The following HTR4 variants were observed in gnomAD, a reference collection of about 807,000 sequenced individuals.
The protein encoded by HTR4 is 5-hydroxytryptamine receptor 4, also known as 5-hydroxytryptamine (serotonin) receptor 4, G protein-coupled.
A neutral mutation model predicts 36.8 loss-of-function variants in HTR4; 16 were observed. That is an observed-to-expected ratio of 0.43 (90% confidence interval 0.29 to 0.66). HTR4 has a LOEUF of 0.66. Among genes scored for constraint, HTR4 ranks in the 30% least tolerant of loss-of-function variants. HTR4 has a pLI of 0.13. For missense variants in HTR4, 438 were observed against 490.9 expected (o/e 0.89, Z 1.02); for synonymous variants, 189 against 185.1 (o/e 1.02, Z -0.17).
At chr5:148,605,992 C>T (rs142738621) in intron 2 of HTR4, among the ~76,000 whole-genome samples, 53 of 152,176 alleles carry the variant, frequency 3.5e-4, no homozygotes, top group African/African-American at 1.1e-3. Flanking sequence ...TAAGGCATGG[C>T]CATTGCCCTC....
rs187924317 is a variant in HTR4 at position 148,557,918 on chromosome 5, G to A, written c.27-7656C>T. ...TTTTCTCTTTATATTTTTATGTATCGAACTTTGCAATAAAATTATGTTAGA... is the reference window on the plus strand; with the variant it reads ...TTTTCTCTTTATATTTTTATGTATCAAACTTTGCAATAAAATTATGTTAGA... On this transcript the variant is annotated intron_variant, in intron 2 of 6. Transcript: ENST00000377888. Among the ~76,000 whole-genome samples the A allele has an allele frequency of 1.9e-3, 288 of 151,478 alleles. 3 individuals carry two copies. Among genetic ancestry groups the A allele is most frequent in the African/African-American group, 6.6e-3 (272 of 41,312 alleles).
chr5:148,458,581 T>C (rs1245686601), intron 5 of HTR4, among the ~76,000 whole-genome samples: 1 of 151,888 alleles, frequency 6.6e-6, no homozygotes, highest in African/African-American at 2.4e-5. Flanking sequence ...CAGGGTTCTG[T>C]CACTGAGGAA....
chr5:148,463,214 C>T (rs1390808696), intron 5 of HTR4, among the ~76,000 whole-genome samples: 3 of 105,510 alleles, frequency 2.8e-5, no homozygotes, highest in African/African-American at 3.8e-5. Flanking sequence ...ACTCTGTTGT[C>T]CAGGTTAGAG....
chr5:148,520,338 A>G (rs779909670), intron 5 of HTR4, among the ~76,000 whole-genome samples: 15 of 152,140 alleles, frequency 9.9e-5, no homozygotes, highest in Non-Finnish European at 1.5e-4. Context: ...TTAAATAGGC[A>G]ATCCCTTTGG....
At chr5:148,559,373 A>G (rs1178609636) in intron 2 of HTR4, among the ~76,000 whole-genome samples, 1 of 152,214 alleles carries the variant, frequency 6.6e-6, no homozygotes, top group Non-Finnish European at 1.5e-5. Context: ...TTTAACATAT[A>G]GGAGCGATAA....
At chr5:148,607,428 G>C (rs1214799529) in intron 2 of HTR4, among the ~76,000 whole-genome samples, 2 of 152,194 alleles carry the variant, frequency 1.3e-5, no homozygotes, top group Non-Finnish European at 2.9e-5. Flanking sequence ...CTCATGAATT[G>C]ACTGAAGATA....
At chr5:148,495,118 A>G (rs967282118) in intron 6 of HTR4, among the ~76,000 whole-genome samples, 1 of 152,240 alleles carries the variant, frequency 6.6e-6, no homozygotes, top group Non-Finnish European at 1.5e-5. Context: ...GCCTGGTGAG[A>G]GAGCAGGGAA....
At chr5:148,496,586 G>A (rs1756695215) in intron 6 of HTR4, among the ~76,000 whole-genome samples, 1 of 152,174 alleles carries the variant, frequency 6.6e-6, no homozygotes, top group Non-Finnish European at 1.5e-5. Context: ...TCTCAAGGCA[G>A]AACGAGGGTT....
intron 5 of HTR4, among the ~76,000 whole-genome samples, chr5:148,459,466 T>TG (rs1755209773): frequency 2.0e-5 from 3 of 152,074 alleles, no homozygotes; most frequent in African/African-American, 7.2e-5. Context: ...CAGCTGACCT[T>TG]GGGGGAAGGG....
chr5:148,569,542 A>T (rs1016098206), intron 2 of HTR4, among the ~76,000 whole-genome samples: 64 of 152,026 alleles, frequency 4.2e-4, no homozygotes, highest in African/African-American at 1.5e-3. Context: ...TAAATTAAAA[A>T]AATCTTATTT....
At chr5:148,600,684 G>A (rs150837396) in intron 2 of HTR4, among the ~76,000 whole-genome samples, 81 of 151,754 alleles carry the variant, frequency 5.3e-4, no homozygotes, top group East Asian at 2.3e-3. Flanking sequence ...CAAAAGATCC[G>A]TACGCTGACA....
At chr5:148,608,714 T>C (rs1479640409) in intron 2 of HTR4, among the ~76,000 whole-genome samples, 1 of 152,034 alleles carries the variant, frequency 6.6e-6, no homozygotes, top group Non-Finnish European at 1.5e-5. Flanking sequence ...GCAGAATGGA[T>C]TGGAGGGAGA....
Position 148,609,223 on chromosome 5 carries a change from A to G in HTR4, c.26+27766T>C, listed in dbSNP as rs576390740. On this transcript the variant is annotated intron_variant, in intron 2 of 6. Transcript: ENST00000377888. ...ACAGCTAACCTATTCTGAGAGAGAAAGAGAGGACCCAATTGAATATTACCG... is the reference window on the plus strand; with the variant it reads ...ACAGCTAACCTATTCTGAGAGAGAAGGAGAGGACCCAATTGAATATTACCG... Among the ~76,000 whole-genome samples, 83 of 152,346 alleles carry G rather than the reference A, an allele frequency of 5.4e-4. 2 individuals are homozygous for G. Among genetic ancestry groups the G allele is most frequent in the African/African-American group, 1.9e-3 (79 of 41,586 alleles).
intron 2 of HTR4, among the ~76,000 whole-genome samples, chr5:148,593,446 C>T (rs1761650811): frequency 6.6e-6 from 1 of 152,166 alleles, no homozygotes; most frequent in Non-Finnish European, 1.5e-5. Context: ...AAGAAGGAAA[C>T]ACAGCATCAT....
At chr5:148,576,544 G>A (rs1760927619) in intron 2 of HTR4, among the ~76,000 whole-genome samples, 1 of 151,818 alleles carries the variant, frequency 6.6e-6, no homozygotes, top group African/African-American at 2.4e-5. Context: ...GAAGCTGAAG[G>A]CATCATGTTA....
intron 1 of HTR4, among the ~76,000 whole-genome samples, chr5:148,653,195 C>T (rs1345574248): frequency 2.0e-5 from 3 of 152,150 alleles, no homozygotes; most frequent in African/African-American, 7.2e-5. Flanking sequence ...AGTGTCCTTC[C>T]ATCAAAAGCC....
intron 2 of HTR4, among the ~76,000 whole-genome samples, chr5:148,582,520 C>T (rs1486542170): frequency 6.6e-6 from 1 of 152,016 alleles, no homozygotes; most frequent in African/African-American, 2.4e-5. Context: ...CACAAGTACC[C>T]AGTGTTTAAC....
intron 5 of HTR4, among the ~76,000 whole-genome samples, chr5:148,457,240 T>C (rs1755121678): frequency 6.6e-6 from 1 of 152,178 alleles, no homozygotes; most frequent in South Asian, 2.1e-4. Context: ...AAGACAACTC[T>C]AGATGAGTGG....
At chr5:148,492,177 G>C (rs189742119) in intron 6 of HTR4, among the ~76,000 whole-genome samples, 1 of 152,128 alleles carries the variant, frequency 6.6e-6, no homozygotes, top group Non-Finnish European at 1.5e-5. Flanking sequence ...ACAGAACCTC[G>C]ACACCCTGAC....
Sources: allele counts gnomAD v4.1 joint callset (sites outside exome capture counted in the v4.1 genomes callset), GRCh38; gene constraint gnomAD v4.1.1; transcripts MANE v1.5; gene names NCBI Gene and HGNC (gene_info 2026-07-23, HGNC 2026-07-21).